Variants in ARHGEF16 observed in about 807,000 individuals in gnomAD.
ARHGEF16 encodes the protein Rho guanine nucleotide exchange factor 16.
A neutral mutation model predicts 74.1 loss-of-function variants in ARHGEF16; 59 were observed. The observed-to-expected ratio is 0.80, with a 90% CI of 0.65 to 0.99. The LOEUF (loss-of-function observed/expected upper bound fraction) is 0.99. Among genes scored for constraint, ARHGEF16 ranks in the 50% least tolerant of loss-of-function variants. The pLI, the probability that ARHGEF16 is intolerant of heterozygous loss-of-function variation, is 0.00. For synonymous variants in ARHGEF16, 415 were observed against 412.6 expected (o/e 1.01, Z -0.07); for missense variants, 948 against 986.6 (o/e 0.96, Z 0.52).
At chr1:3,477,247 C>T (rs1391498124) in intron 10 of ARHGEF16, among the ~76,000 whole-genome samples, 1 of 129,080 alleles carries the variant, frequency 7.7e-6, no homozygotes, top group African/African-American at 3.0e-5. Context: ...TCCTCATTCC[C>T]ACTCTGCCCT....
intron 3 of ARHGEF16, 143 bp from the exon 4 acceptor site, chr1:3,467,025 C>A: frequency 1.2e-6 from 1 of 846,408 alleles, no homozygotes; most frequent in Non-Finnish European, 1.8e-6. Flanking sequence ...GGTGCCCAGC[C>A]TGGGGCAGTC....
intron 12 of ARHGEF16, among the ~76,000 whole-genome samples, chr1:3,479,213 C>G (rs1169184104): frequency 2.0e-5 from 3 of 152,182 alleles, no homozygotes; most frequent in Non-Finnish European, 2.9e-5. Flanking sequence ...GATGAGGATG[C>G]TGAGGCTGAG....
At chr1:3,468,992 C>T (rs1436213206) in intron 5 of ARHGEF16, 56 bp downstream of exon 5, 8 of 1,542,554 alleles carry the variant, frequency 5.2e-6, no homozygotes, top group African/African-American at 2.7e-5. Context: ...ATGCAACACC[C>T]GGGGAGGGGC....
chr1:3,473,254 G>A (rs773959020), intron 7 of ARHGEF16, 24 bp downstream of exon 7: 45 of 1,609,282 alleles, frequency 2.8e-5, no homozygotes, highest in Admixed American at 1.2e-4. Context: ...CCCGAGGCCC[G>A]CAGGGTGGCT....
rs764638935 is a variant in ARHGEF16 at position 3,478,535 on chromosome 1, G to A, written c.1737G>A (p.Val579=). ...LPGGGNRSSS[V]PHPFQVTLLR... ...GGGGCGGCAACCGTAGCTCCTCCGT[G>A]CCCCACCCCTTCCAGGTGACCCTGC... The change falls in exon 12 of 15, where the codon GTG becomes GTA. Residue 579 remains valine (V), a synonymous_variant. Coordinates refer to ENST00000378378, the MANE Select transcript of ARHGEF16 (RefSeq NM_014448.4). The A allele has an allele frequency of 1.2e-5, 20 of 1,612,548 alleles. No individual in the cohort carries two copies. In the Admixed American group the frequency reaches 2.7e-4, roughly 22 times the overall value.
At chr1:3,478,703 A>C (rs1639968930) in intron 12 of ARHGEF16, 91 bp downstream of exon 12, 1 of 1,418,866 alleles carries the variant, frequency 7.0e-7, no homozygotes, top group Non-Finnish European at 9.4e-7. Context: ...TCGCTGTTGC[A>C]TGGCTGGCTC....
intron 11 of ARHGEF16, 101 bp from the exon 12 acceptor site, chr1:3,478,323 C>A: frequency 7.5e-7 from 1 of 1,332,108 alleles, no homozygotes; most frequent in Non-Finnish European, 1.0e-6. Context: ...TGGCTGCCTC[C>A]CCACCACTGC....
At position 3,465,895 on chromosome 1, in the gene ARHGEF16, C is replaced by T. The variant is rs1639528766; in HGVS notation, c.589-253C>T. Reference sequence around the variant, plus strand: ...CGGGCCTGCTCGAAACTCTTCTGAGCGTCCCCTCACGATGAGTTCAACCCT... The same window carrying T: ...CGGGCCTGCTCGAAACTCTTCTGAGTGTCCCCTCACGATGAGTTCAACCCT... On this transcript the variant is annotated intron_variant, in intron 2 of 14. Coordinates refer to ENST00000378378, the MANE Select transcript of ARHGEF16 (RefSeq NM_014448.4). 13 of 506,848 alleles carry T rather than the reference C, an allele frequency of 2.6e-5. No homozygotes were observed. The East Asian group carries it at 4.1e-4, about 16-fold the overall frequency. The allele number at this position is 506,848 out of a possible 1,614,324, so 31.4% of individuals were successfully genotyped here.
chr1:3,476,892 C>T (rs1022272431), intron 10 of ARHGEF16, among the ~76,000 whole-genome samples: 1 of 152,042 alleles, frequency 6.6e-6, no homozygotes, highest in African/African-American at 2.4e-5. Flanking sequence ...GACTTCGCGC[C>T]GCTGTCGCTG....
intron 1 of ARHGEF16, among the ~76,000 whole-genome samples, chr1:3,455,624 T>C (rs1639249839): frequency 6.6e-6 from 1 of 152,146 alleles, no homozygotes; most frequent in African/African-American, 2.4e-5. Context: ...GAATCTTCTC[T>C]GTGTCCTTGA....
chr1:3,471,930 C>T, intron 6 of ARHGEF16: 1 of 601,746 alleles, frequency 1.7e-6, no homozygotes, highest in Non-Finnish European at 2.2e-6. Context: ...CCTCCCATGA[C>T]CTGCTGGGTC....
rs749822001 is a variant in ARHGEF16, at chr1:3,463,146, C to T, written c.62C>T (p.Ser21Leu). ...AAGCTCCTGGGACACCGCTTCCACTCGGAGCTCCGGCTCGATGCCGGGGGG... is the reference window on the plus strand; with the variant it reads ...AAGCTCCTGGGACACCGCTTCCACTTGGAGCTCCGGCTCGATGCCGGGGGG... ...EEKLLGHRFHSELRLDAGGNP... is the reference protein window; with the variant it reads ...EEKLLGHRFHLELRLDAGGNP... The change falls in exon 2 of 15, where the codon TCG becomes TTG. Residue 21 changes from serine (S) to leucine (L), a missense_variant. Physicochemically the swap from Ser to Leu is moderately radical, Grantham distance 145 (BLOSUM62 -2). Transcript: ENST00000378378. 9.4e-6 allele frequency: 14 copies of T among 1,494,860 alleles called. No homozygotes were observed. Among genetic ancestry groups the T allele is most frequent in the African/African-American group, 5.6e-5 (4 of 71,128 alleles). The allele number at this position is 1,494,860 out of a possible 1,614,324, so 92.6% of individuals were successfully genotyped here.
chr1:3,473,725 G>C (rs1426730902), intron 8 of ARHGEF16: 3 of 861,346 alleles, frequency 3.5e-6, no homozygotes, highest in East Asian at 5.4e-5. Flanking sequence ...CACTGTGCCG[G>C]GAACTGTTCC....
At position 3,477,943 on chromosome 1, in the gene ARHGEF16, C is replaced by T. The variant is rs766182081; in HGVS notation, c.1542C>T (p.Thr514=). 41 of 1,612,568 alleles carry T rather than the reference C, an allele frequency of 2.5e-5. 1 individual carries two copies. The highest frequency in any genetic ancestry group is 3.3e-4 in the Middle Eastern group (2 of 6,082). ...KRGELFLVEE[T]GLFRKIASRP... ...GAGAGCTGTTCTTAGTGGAAGAAACCGGACTTTTTCGAAAAATTGCCAGCC... is the reference window on the plus strand; with the variant it reads ...GAGAGCTGTTCTTAGTGGAAGAAACTGGACTTTTTCGAAAAATTGCCAGCC... The change falls in exon 11 of 15, where the codon ACC becomes ACT. Residue 514 remains threonine (T), a synonymous_variant. Coordinates refer to ENST00000378378, the MANE Select transcript of ARHGEF16 (RefSeq NM_014448.4).
chr1:3,456,316 A>T (rs533795462), intron 1 of ARHGEF16, among the ~76,000 whole-genome samples: 2 of 152,326 alleles, frequency 1.3e-5, no homozygotes, highest in South Asian at 2.1e-4. Context: ...CATCCTGAGG[A>T]TGGCCATCTG....
rs1020999144 is a variant in ARHGEF16 at position 3,469,555 on chromosome 1, C to G, written c.984C>G (p.Leu328=). 1 of 1,613,116 alleles carries G rather than the reference C, an allele frequency of 6.2e-7. No individual in the cohort carries two copies. Among genetic ancestry groups the G allele is most frequent in the South Asian group, 1.1e-5 (1 of 91,080 alleles). The change falls in exon 6 of 15, where the codon CTC becomes CTG. Residue 328 remains leucine, a synonymous_variant. Transcript: ENST00000378378. ...TGACCCAGATGGAGCACCACCACCT[C>G]TTCTCCAACATCCTGGATGTCCTGG... ...ATVTQMEHHH[L]FSNILDVLGA... is the part of the protein sequence containing the mutation.
chr1:3,466,875 A>C, intron 3 of ARHGEF16: 1 of 314,768 alleles, frequency 3.2e-6, no homozygotes. Flanking sequence ...ATCCCTGGGA[A>C]GTGTCCCCAG....
chr1:3,459,934 G>A (rs536474333), intron 1 of ARHGEF16, among the ~76,000 whole-genome samples: 15 of 152,326 alleles, frequency 9.8e-5, no homozygotes, highest in African/African-American at 3.6e-4. Flanking sequence ...AAAAGCTGAG[G>A]AGCCCAGAGC....
At chr1:3,477,031 C>T (rs540985661) in intron 10 of ARHGEF16, among the ~76,000 whole-genome samples, 23 of 152,114 alleles carry the variant, frequency 1.5e-4, no homozygotes, top group African/African-American at 5.1e-4. Flanking sequence ...CTCTCACCCC[C>T]ACATGGTCTT....
Sources: gnomAD v4.1 joint callset for allele counts (sites outside exome capture counted in the v4.1 genomes callset) on GRCh38, gnomAD v4.1.1 for gene constraint, MANE v1.5 for transcripts, NCBI Gene and HGNC (gene_info 2026-07-23, HGNC 2026-07-21) for gene names.